Variants in WDFY3 observed in about 807,000 individuals in gnomAD.
The protein encoded by WDFY3 is WD repeat and FYVE domain-containing protein 3.
Under a neutral mutation model 409.6 loss-of-function variants are expected in WDFY3, and 66 were observed. The ratio of observed to expected loss-of-function variants is 0.16; its 90% CI spans 0.13 to 0.20. The LOEUF is 0.20. WDFY3 is among the 10% of genes least tolerant of loss of function. The probability of loss-of-function intolerance (pLI) is 1.00; values close to 1 mark genes in which losing one functional copy is unlikely to be tolerated. For missense variants in WDFY3, 3,031 were observed against 4,298.1 expected (o/e 0.71, Z 8.24); for synonymous variants, 1,521 against 1,537.1 (o/e 0.99, Z 0.25).
rs774744337 is a variant in WDFY3, at chr4:84,849,883, C to T, written c.304+19G>A. ...GTTCATTCAAACAAATCAGTTTTTGCTGGCTACTGTAAAAATACCTGTGGA... is the reference window on the plus strand; with the variant it reads ...GTTCATTCAAACAAATCAGTTTTTGTTGGCTACTGTAAAAATACCTGTGGA... On this transcript the variant is annotated intron_variant, in intron 5 of 67. Coordinates refer to ENST00000295888, the MANE Select transcript of WDFY3 (RefSeq NM_014991.6). 3.7e-5 allele frequency: 60 copies of T among 1,605,506 alleles called. No individual in the cohort carries two copies. The highest frequency in any genetic ancestry group is 4.8e-5 in the Non-Finnish European group (57 of 1,177,866).
At chr4:84,697,989 A>G (rs1730409180) in intron 56 of WDFY3, among the ~76,000 whole-genome samples, 1 of 152,208 alleles carries the variant, frequency 6.6e-6, no homozygotes, top group Non-Finnish European at 1.5e-5. Context: ...AAAGGTTACC[A>G]TATGATTTAC....
At chr4:84,698,000 A>G (rs1730414382) in intron 56 of WDFY3, among the ~76,000 whole-genome samples, 1 of 152,158 alleles carries the variant, frequency 6.6e-6, no homozygotes, top group African/African-American at 2.4e-5. Flanking sequence ...TATGATTTAC[A>G]ACAAAAATAA....
chr4:84,893,931 A>G (rs1006279133), intron 3 of WDFY3, among the ~76,000 whole-genome samples: 1 of 151,980 alleles, frequency 6.6e-6, no homozygotes, highest in Non-Finnish European at 1.5e-5. Context: ...AGAGGTTGCA[A>G]TGAGCCGAGG....
At chr4:84,878,739 C>T (rs1280005785) in intron 3 of WDFY3, among the ~76,000 whole-genome samples, 2 of 152,088 alleles carry the variant, frequency 1.3e-5, no homozygotes, top group South Asian at 2.1e-4. Flanking sequence ...TCACGTGTTA[C>T]CAAAAATGGA....
At chr4:84,743,223 G>A (rs1738770532) in intron 37 of WDFY3, among the ~76,000 whole-genome samples, 1 of 152,044 alleles carries the variant, frequency 6.6e-6, no homozygotes. Context: ...CACTGTAAAT[G>A]TATTAAGTTT....
At chr4:84,780,331 A>G (rs1261772564) in intron 25 of WDFY3, 33 bp from the exon 26 acceptor site, 1 of 1,576,346 alleles carries the variant, frequency 6.3e-7, no homozygotes, top group African/African-American at 1.4e-5. Context: ...TAATTAAGAT[A>G]AATTCCCCAT....
chr4:84,909,054 A>G (rs1579082432), intron 2 of WDFY3, among the ~76,000 whole-genome samples: 2 of 152,134 alleles, frequency 1.3e-5, no homozygotes, highest in Admixed American at 6.6e-5. Flanking sequence ...ACACGCACAC[A>G]CACACAAAAA....
At position 84,764,864 on chromosome 4, in the gene WDFY3, C is replaced by CAA. The variant is rs554582388; in HGVS notation, c.5188+944_5188+945dup. Reference sequence around the variant, plus strand: ...TGGGCGACAGAGCTAGACTCCGACTCAAAAAAAAAAAAAAAAAGATCTGTC... The same window carrying CAA: ...TGGGCGACAGAGCTAGACTCCGACTCAAAAAAAAAAAAAAAAAAAGATCTGTC... On this transcript the variant is annotated intron_variant, in intron 32 of 67. Coordinates refer to ENST00000295888, the MANE Select transcript of WDFY3 (RefSeq NM_014991.6). Among the ~76,000 whole-genome samples the CAA allele has an allele frequency of 4.8e-3, 349 of 72,138 alleles. 2 individuals carry two copies. Among genetic ancestry groups the CAA allele is most frequent in the African/African-American group, 0.017 (338 of 19,994 alleles). 47.3% of individuals were successfully genotyped at this position (72,138 alleles called of 152,430 possible).
chr4:84,873,495 GGAAAAA>G (rs1560974853), intron 3 of WDFY3, among the ~76,000 whole-genome samples: 3 of 151,802 alleles, frequency 2.0e-5, no homozygotes, highest in Admixed American at 6.6e-5. Flanking sequence ...TGTTCTTTGA[GGAAAAA>G]ATTTTCCTCA....
chr4:84,674,320 A>G (rs1466580318), intron 67 of WDFY3, among the ~76,000 whole-genome samples: 2 of 152,226 alleles, frequency 1.3e-5, no homozygotes, highest in Non-Finnish European at 2.9e-5. Flanking sequence ...CTGTAATCCC[A>G]GCACTTTAGG....
intron 25 of WDFY3, among the ~76,000 whole-genome samples, chr4:84,781,324 T>C (rs1479379712): frequency 6.6e-6 from 1 of 151,796 alleles, no homozygotes; most frequent in Non-Finnish European, 1.5e-5. Flanking sequence ...AAAATAAAAG[T>C]AACATGCATA....
At chr4:84,860,737 A>G (rs1223648987) in intron 3 of WDFY3, 115 bp from the exon 4 acceptor site, 1 of 946,432 alleles carries the variant, frequency 1.1e-6, no homozygotes, top group African/African-American at 1.7e-5. Flanking sequence ...TCTAAAATAT[A>G]TCTTTCTACT....
chr4:84,959,244 C>T (rs1167952185), intron 1 of WDFY3, among the ~76,000 whole-genome samples: 3 of 152,000 alleles, frequency 2.0e-5, no homozygotes, highest in East Asian at 3.9e-4. Flanking sequence ...ACTGCAACCC[C>T]ATGTTTTAGC....
chr4:84,721,352 G>A, intron 47 of WDFY3, 57 bp downstream of exon 47: 2 of 1,591,002 alleles, frequency 1.3e-6, no homozygotes, highest in Non-Finnish European at 1.7e-6. Context: ...AACTCATCTT[G>A]TCTTAATAAT....
Position 84,740,207 on chromosome 4 carries a change from C to A in WDFY3, c.6444G>T (p.Leu2148Phe). ...QEFISCLAHC[L>F]INLHVGSNVD... ...TTTACCTTCCAACATGTAGATTTAT[C>A]AAGCAGTGGGCCAGACAGCTAATGA... Residue 2148 changes from leucine to phenylalanine, a missense_variant, in exon 39 of 68, where the codon TTG becomes TTT. Physicochemically the swap from Leu to Phe is conservative, Grantham distance 22 (BLOSUM62 0). Coordinates refer to ENST00000295888, the MANE Select transcript of WDFY3 (RefSeq NM_014991.6). 6.2e-7 allele frequency: 1 copy of A among 1,614,034 alleles called. No individual in the cohort carries two copies.
At chr4:84,755,656 C>A (rs1741309463) in intron 33 of WDFY3, among the ~76,000 whole-genome samples, 4 of 152,052 alleles carry the variant, frequency 2.6e-5, no homozygotes, top group Admixed American at 6.6e-5. Context: ...TGCTTTCTAC[C>A]TTTTTCCTAA....
intron 15 of WDFY3, among the ~76,000 whole-genome samples, chr4:84,805,769 A>C (rs1751403921): frequency 1.3e-5 from 2 of 152,188 alleles, no homozygotes; most frequent in African/African-American, 4.8e-5. Context: ...ATGTTTGAAG[A>C]ATAACAAGTA....
chr4:84,796,545 A>T lies in WDFY3; in HGVS notation c.3143T>A (p.Phe1048Tyr), dbSNP rs1431050853. Residue 1048 changes from phenylalanine to tyrosine, a missense_variant, in exon 19 of 68, where the codon TTT becomes TAT. Phe to Tyr is a conservative substitution (Grantham distance 22, BLOSUM62 3). This residue lies in a region of WDFY3 where 1,322 missense variants were observed against 1,697.9 expected (regional missense o/e 0.78). Coordinates refer to ENST00000295888, the MANE Select transcript of WDFY3 (RefSeq NM_014991.6). ...GSSVTPAFVE[F>Y]DTSLEGFGCL... ...CCCAAACCCTTCAAGTGATGTGTCAAATTCAACAAAAGCTGGAGTAACTGA... is the reference window on the plus strand; with the variant it reads ...CCCAAACCCTTCAAGTGATGTGTCATATTCAACAAAAGCTGGAGTAACTGA... 6.2e-7 allele frequency: 1 copy of T among 1,601,378 alleles called. No individual in the cohort carries two copies. The highest frequency in any genetic ancestry group is 2.3e-5 in the East Asian group (1 of 44,370).
chr4:84,803,546 T>G, intron 15 of WDFY3, 79 bp from the exon 16 acceptor site: 1 of 1,456,856 alleles, frequency 6.9e-7, no homozygotes, highest in South Asian at 1.4e-5. Context: ...CATCCACTGA[T>G]AACCAAAAAG....
Sources: allele counts gnomAD v4.1 joint callset (sites outside exome capture counted in the v4.1 genomes callset), GRCh38; gene constraint gnomAD v4.1.1; regional missense constraint gnomAD v4.1.1; transcripts MANE v1.5; gene names NCBI Gene and HGNC (gene_info 2026-07-23, HGNC 2026-07-21).